The following BTC variants were observed in gnomAD, a reference collection of about 807,000 sequenced individuals.
The protein encoded by BTC is betacellulin.
In BTC, 13 loss-of-function variants were observed where a neutral mutation model predicts 18.1. That is an observed-to-expected ratio of 0.72 (90% CI 0.47 to 1.14). The LOEUF (loss-of-function observed/expected upper bound fraction) is 1.14, where lower values mean the gene tolerates loss of function less well. Among genes scored for constraint, BTC ranks in the 50% most tolerant of loss-of-function variants. BTC has a pLI of 0.00. For missense variants in BTC, 247 were observed against 224.2 expected, an observed-to-expected ratio of 1.10 and a Z score of -0.65; for synonymous variants, 83 against 79.4, an observed-to-expected ratio of 1.05 and a Z score of -0.24.
intron 1 of BTC, among the ~76,000 whole-genome samples, chr4:74,780,302 A>T (rs550411919): frequency 6.6e-6 from 1 of 152,252 alleles, no homozygotes; most frequent in Admixed American, 6.5e-5. Flanking sequence ...ATAGAAAACC[A>T]CTCACTAAGT....
chr4:74,750,155 G>A (rs1724420239), intron 4 of BTC, among the ~76,000 whole-genome samples: 1 of 152,074 alleles, frequency 6.6e-6, no homozygotes, highest in South Asian at 2.1e-4. Flanking sequence ...CAGAGAAAAA[G>A]CAGGATGTTT....
chr4:74,777,050 G>A (rs530002696), intron 1 of BTC, among the ~76,000 whole-genome samples: 32 of 152,120 alleles, frequency 2.1e-4, no homozygotes, highest in Admixed American at 1.8e-3. Context: ...TTTCATTGTC[G>A]CACCTCTATC....
In BTC at chr4:74,745,131, T is replaced by C. The variant is rs1724258073; in HGVS notation, c.*1546A>G. The C allele has an allele frequency of 6.6e-6, 1 of 152,346 alleles. No homozygotes were observed. Among genetic ancestry groups the C allele is most frequent in the East Asian group, 1.9e-4 (1 of 5,188 alleles). The allele number at this position is 152,346 out of a possible 1,614,324, so 9.4% of individuals were successfully genotyped here. On this transcript the variant is annotated 3_prime_UTR_variant, in exon 6 of 6. Transcript: ENST00000395743. ...ATGAGACTTTTGAAAATAAGGCATA[T>C]ACAACATGGATCAGTTGGATATAAT...
intron 1 of BTC, among the ~76,000 whole-genome samples, chr4:74,790,234 A>G (rs1403473621): frequency 6.6e-6 from 1 of 152,226 alleles, no homozygotes; most frequent in Non-Finnish European, 1.5e-5. Context: ...ATTGATAACA[A>G]TGAATGATTT....
intron 1 of BTC, among the ~76,000 whole-genome samples, chr4:74,785,923 A>C (rs1042293544): frequency 6.6e-6 from 1 of 152,188 alleles, no homozygotes; most frequent in African/African-American, 2.4e-5. Flanking sequence ...GATGAAATGA[A>C]TTATTATGCT....
At chr4:74,767,101 A>G (rs1361667724) in intron 2 of BTC, among the ~76,000 whole-genome samples, 4 of 143,026 alleles carry the variant, frequency 2.8e-5, no homozygotes, top group Non-Finnish European at 6.4e-5. Context: ...AAATAGAAGG[A>G]ATCTAAATTG....
chr4:74,762,745 T>C (rs1724794276), intron 2 of BTC, among the ~76,000 whole-genome samples: 1 of 152,196 alleles, frequency 6.6e-6, no homozygotes, highest in Non-Finnish European at 1.5e-5. Flanking sequence ...AGCTCAATTA[T>C]ATTTAGCATA....
At chr4:74,786,914 C>A (rs1725492687) in intron 1 of BTC, among the ~76,000 whole-genome samples, 1 of 152,068 alleles carries the variant, frequency 6.6e-6, no homozygotes, top group African/African-American at 2.4e-5. Context: ...AGAAACCTGT[C>A]CTTCTACCAC....
intron 1 of BTC, among the ~76,000 whole-genome samples, chr4:74,787,490 T>C (rs1280208322): frequency 2.0e-5 from 3 of 152,224 alleles, no homozygotes; most frequent in African/African-American, 7.2e-5. Flanking sequence ...TTTTTTAAGA[T>C]ATAAATATAT....
chr4:74,779,913 A>G (rs1057028142), intron 1 of BTC, among the ~76,000 whole-genome samples: 13 of 152,186 alleles, frequency 8.5e-5, no homozygotes, highest in Admixed American at 1.3e-4. Context: ...TATCTTAGGT[A>G]TCAGGTGTTT....
At chr4:74,794,183 T>C (rs1278385552) in intron 1 of BTC, 79 bp downstream of exon 1, 1 of 1,525,384 alleles carries the variant, frequency 6.6e-7, no homozygotes, top group African/African-American at 1.4e-5. Flanking sequence ...AGATGCCAGC[T>C]CGGTTCAGGG....
intron 2 of BTC, among the ~76,000 whole-genome samples, chr4:74,762,660 A>G (rs1219656939): frequency 6.6e-6 from 1 of 152,106 alleles, no homozygotes; most frequent in Non-Finnish European, 1.5e-5. Flanking sequence ...GGGGAAAAAT[A>G]TTGATTTAAA....
chr4:74,754,201 A>G (rs1270901734), intron 3 of BTC, among the ~76,000 whole-genome samples: 2 of 152,216 alleles, frequency 1.3e-5, no homozygotes, highest in African/African-American at 2.4e-5. Context: ...CATTCAGATT[A>G]AGGCCTTGGT....
At chr4:74,770,378 A>T (rs1313469640) in intron 1 of BTC, among the ~76,000 whole-genome samples, 1 of 152,144 alleles carries the variant, frequency 6.6e-6, no homozygotes, top group South Asian at 2.1e-4. Flanking sequence ...CTTATATCTA[A>T]CTATGGATCT....
intron 1 of BTC, among the ~76,000 whole-genome samples, chr4:74,790,788 C>T (rs1725603547): frequency 6.6e-6 from 1 of 152,142 alleles, no homozygotes; most frequent in African/African-American, 2.4e-5. Context: ...ATTAGTCAGG[C>T]TAGCCTGGCC....
At chr4:74,751,970 T>C (rs1056806410) in intron 3 of BTC, among the ~76,000 whole-genome samples, 36 of 152,250 alleles carry the variant, frequency 2.4e-4, no homozygotes, top group African/African-American at 7.7e-4. Flanking sequence ...AGAAAACTTC[T>C]GTGCAACCCC....
chr4:74,754,210 G>T (rs1451796338), intron 3 of BTC, among the ~76,000 whole-genome samples: 2 of 152,148 alleles, frequency 1.3e-5, no homozygotes, highest in Admixed American at 6.6e-5. Context: ...TAAGGCCTTG[G>T]TCTGGAAATT....
intron 3 of BTC, among the ~76,000 whole-genome samples, chr4:74,755,114 G>T (rs534412799): frequency 3.3e-5 from 5 of 152,056 alleles, no homozygotes; most frequent in African/African-American, 1.2e-4. Context: ...TTAGGATTTG[G>T]AATCATTTTT....
intron 2 of BTC, among the ~76,000 whole-genome samples, chr4:74,765,928 G>C (rs934031098): frequency 1.3e-5 from 2 of 152,034 alleles, no homozygotes; most frequent in African/African-American, 2.4e-5. Context: ...CACAAATTTA[G>C]ACGGTGTAGC....
Sources: allele counts gnomAD v4.1 joint callset (sites outside exome capture counted in the v4.1 genomes callset), GRCh38; gene constraint gnomAD v4.1.1; transcripts MANE v1.5; gene names NCBI Gene and HGNC (gene_info 2026-07-23, HGNC 2026-07-21).